Variants in KIAA0825 observed in about 807,000 individuals in gnomAD.
The protein encoded by KIAA0825 is uncharacterized protein KIAA0825.
Under a neutral mutation model 147.6 loss-of-function variants are expected in KIAA0825, and 119 were observed. The ratio of observed to expected loss-of-function variants is 0.81; its 90% CI spans 0.69 to 0.94. KIAA0825 has a LOEUF of 0.94. Ranked by LOEUF, KIAA0825 falls within the 40% of genes least tolerant of loss-of-function variation. The probability of loss-of-function intolerance (pLI) is 0.00; values close to 1 mark genes in which losing one functional copy is unlikely to be tolerated. For synonymous variants in KIAA0825, 470 were observed against 518.1 expected (o/e 0.91, Z 1.26); for missense variants, 1,381 against 1,472.7 (o/e 0.94, Z 1.02).
In KIAA0825 at chr5:94,403,708, C is replaced by A; in HGVS notation, c.2748G>T (p.Gln916His). 6.4e-7 allele frequency: 1 copy of A among 1,551,560 alleles called. No homozygotes were observed. The highest frequency in any genetic ancestry group is 8.7e-7 in the Non-Finnish European group (1 of 1,146,894). Reference sequence around the variant, plus strand: ...TCCTAGAACTCATTACAGATACTATCTGCTGTACAGTGTCCTTGATGGCAT... The same window carrying A: ...TCCTAGAACTCATTACAGATACTATATGCTGTACAGTGTCCTTGATGGCAT... ...LTDAIKDTVQ[Q>H]IVSVMSSRRN... Residue 916 changes from glutamine (Q) to histidine (H), a missense_variant, in exon 16 of 21, where the codon CAG (glutamine) becomes CAT (histidine). Gln to His is a conservative substitution (Grantham distance 24). Transcript: ENST00000682413.
chr5:94,195,829 C>A (rs1403627432), intron 20 of KIAA0825, among the ~76,000 whole-genome samples: 2 of 152,120 alleles, frequency 1.3e-5, no homozygotes, highest in Non-Finnish European at 2.9e-5. Context: ...TCTTCTTTAA[C>A]AGGATATGGC....
chr5:94,346,661 G>T (rs775014509), intron 20 of KIAA0825, among the ~76,000 whole-genome samples: 20 of 152,322 alleles, frequency 1.3e-4, no homozygotes, highest in South Asian at 2.1e-4. Flanking sequence ...GCAGCAGAAA[G>T]GCCCTGGGAG....
At chr5:94,265,114 C>T (rs565833777) in intron 20 of KIAA0825, among the ~76,000 whole-genome samples, 9 of 152,018 alleles carry the variant, frequency 5.9e-5, no homozygotes, top group South Asian at 2.1e-4. Flanking sequence ...ATAGGTTCAG[C>T]GATATGAAAT....
At chr5:94,192,077 G>A (rs116753154) in intron 20 of KIAA0825, among the ~76,000 whole-genome samples, 132 of 152,326 alleles carry the variant, frequency 8.7e-4, no homozygotes, top group Non-Finnish European at 1.3e-3. Context: ...CGAACTAGGC[G>A]TTCTAACTCT....
At chr5:94,264,840 T>A (rs1350321885) in intron 20 of KIAA0825, among the ~76,000 whole-genome samples, 1 of 151,400 alleles carries the variant, frequency 6.6e-6, no homozygotes. Context: ...TGGAGTGCAG[T>A]GGCATGACCT....
intron 20 of KIAA0825, among the ~76,000 whole-genome samples, chr5:94,371,478 A>G (rs1011270950): frequency 6.6e-6 from 1 of 152,172 alleles, no homozygotes; most frequent in African/African-American, 2.4e-5. Context: ...GAAACTTACA[A>G]TCATGATGGA....
intron 3 of KIAA0825, among the ~76,000 whole-genome samples, chr5:94,530,530 G>T (rs373799111): frequency 2.0e-5 from 3 of 152,104 alleles, no homozygotes; most frequent in African/African-American, 7.2e-5. Flanking sequence ...CAGGTCCCAT[G>T]AAAGGATATT....
intron 20 of KIAA0825, among the ~76,000 whole-genome samples, chr5:94,272,490 A>C (rs989906587): frequency 6.6e-6 from 1 of 152,142 alleles, no homozygotes; most frequent in Non-Finnish European, 1.5e-5. Context: ...GTACCCACAA[A>C]AATTAAAAAT....
At position 94,469,173 on chromosome 5, in the gene KIAA0825, CT is replaced by C. The variant is rs879452271; in HGVS notation, c.1872+787del. On this transcript the variant is annotated intron_variant, in intron 10 of 20. Transcript: ENST00000682413. ...AACTATAACTGATCAGATGACTGTT[CT>C]TTTTTTTTTTTTCTGAGATGGAGTC... Among the ~76,000 whole-genome samples, 263 of 144,314 alleles carry C rather than the reference CT, an allele frequency of 1.8e-3. 2 individuals carry two copies. The highest frequency in any genetic ancestry group is 7.2e-3 in the Middle Eastern group (2 of 278). 94.7% of individuals were successfully genotyped at this position (144,314 alleles called of 152,430 possible). A position where few individuals can be genotyped will look rare whatever the true frequency, so the allele number is the denominator to read the frequency against.
intron 20 of KIAA0825, among the ~76,000 whole-genome samples, chr5:94,355,502 T>G (rs1035213888): frequency 6.6e-6 from 1 of 152,192 alleles, no homozygotes; most frequent in Non-Finnish European, 1.5e-5. Context: ...ATTTATGGTT[T>G]GCAGGCCATG....
At chr5:94,232,424 T>C (rs1774767043) in intron 20 of KIAA0825, among the ~76,000 whole-genome samples, 1 of 152,130 alleles carries the variant, frequency 6.6e-6, no homozygotes, top group Non-Finnish European at 1.5e-5. Flanking sequence ...ACAATTCCCA[T>C]GGAGAATTCT....
At chr5:94,390,869 A>T (rs1481143916) in intron 18 of KIAA0825, among the ~76,000 whole-genome samples, 1 of 152,250 alleles carries the variant, frequency 6.6e-6, no homozygotes, top group Non-Finnish European at 1.5e-5. Context: ...ACGCAATTAG[A>T]TGCCACAATC....
intron 20 of KIAA0825, among the ~76,000 whole-genome samples, chr5:94,227,284 A>G (rs1486137788): frequency 6.6e-6 from 1 of 151,938 alleles, no homozygotes; most frequent in Non-Finnish European, 1.5e-5. Flanking sequence ...ATTCTCAGTA[A>G]ACTATCGCAA....
chr5:94,449,931 T>C (rs1374615342), intron 13 of KIAA0825, among the ~76,000 whole-genome samples: 3 of 151,712 alleles, frequency 2.0e-5, no homozygotes, highest in Admixed American at 2.0e-4. Context: ...ATACAAAAAA[T>C]TAGCTGGGCA....
intron 15 of KIAA0825, chr5:94,415,571 T>G (rs1753348416): frequency 6.6e-6 from 1 of 152,142 alleles, no homozygotes; most frequent in East Asian, 1.9e-4. Context: ...TCATAACCAC[T>G]GCAGGTATCA....
intron 20 of KIAA0825, among the ~76,000 whole-genome samples, chr5:94,206,994 C>A (rs1583850015): frequency 1.3e-5 from 2 of 152,160 alleles, no homozygotes; most frequent in East Asian, 3.9e-4. Context: ...AAAACAGTAT[C>A]ATTTTTAGTT....
chr5:94,600,148 T>G (rs1427860766), intron 1 of KIAA0825, among the ~76,000 whole-genome samples: 1 of 152,180 alleles, frequency 6.6e-6, no homozygotes, highest in Admixed American at 6.5e-5. Flanking sequence ...GGAATTGCAT[T>G]AAATCTGTAG....
chr5:94,459,267 T>A (rs953282005), intron 12 of KIAA0825, among the ~76,000 whole-genome samples: 13 of 152,176 alleles, frequency 8.5e-5, no homozygotes, highest in African/African-American at 3.1e-4. Context: ...TTTTGAAAAA[T>A]GCTGCTACAC....
intron 1 of KIAA0825, among the ~76,000 whole-genome samples, chr5:94,583,014 T>C (rs1172737006): frequency 1.3e-5 from 2 of 152,204 alleles, no homozygotes; most frequent in African/African-American, 2.4e-5. Context: ...CCCATTCTTC[T>C]GGGTGATCCT....
Sources: allele counts gnomAD v4.1 joint callset (sites outside exome capture counted in the v4.1 genomes callset), GRCh38; gene constraint gnomAD v4.1.1; transcripts MANE v1.5; gene names NCBI Gene and HGNC (gene_info 2026-07-23, HGNC 2026-07-21).